PRDM16: variants seen among roughly 807,000 people sequenced by gnomAD.
PRDM16 encodes the protein histone-lysine N-methyltransferase PRDM16.
PRDM16 carries 23 observed loss-of-function variants against 110.6 expected under a neutral mutation model. The observed-to-expected ratio is 0.21, with a 90% CI of 0.15 to 0.29. The LOEUF is 0.29. PRDM16 is among the 10% of genes least tolerant of loss of function. The pLI is 1.00. For synonymous variants in PRDM16, 799 were observed against 781.8 expected (o/e 1.02, Z -0.37); for missense variants, 1,615 against 1,794.3 (o/e 0.90, Z 1.81).
At chr1:3,192,555 G>A (rs547332755) in intron 2 of PRDM16, among the ~76,000 whole-genome samples, 68 of 152,284 alleles carry the variant, frequency 4.5e-4, no homozygotes, top group Middle Eastern at 3.4e-3. Context: ...CCTTTCTACC[G>A]TTTTCATGGC....
intron 1 of PRDM16, among the ~76,000 whole-genome samples, chr1:3,136,371 G>A (rs1321081698): frequency 2.6e-5 from 4 of 152,218 alleles, no homozygotes; most frequent in African/African-American, 9.6e-5. Context: ...AGACGAGGCA[G>A]TGGAGGCCCA....
At position 3,233,879 on chromosome 1, in the gene PRDM16, T is replaced by C. The variant is rs1639476331; in HGVS notation, c.388-10208T>C. On this transcript the variant is annotated intron_variant, in intron 2 of 16. Coordinates refer to ENST00000270722, the MANE Select transcript of PRDM16 (RefSeq NM_022114.4). ...ATGCCAATCATACCGCAATGAAGTG[T>C]TGGGGTTTTTTTAAAAAAAAAAAAA... Among the ~76,000 whole-genome samples the C allele has an allele frequency of 2.0e-5, 3 of 147,200 alleles. No individual in the cohort carries two copies. The South Asian group carries it at 6.3e-4, about 31-fold the overall frequency.
chr1:3,136,790 C>G (rs988193047), intron 1 of PRDM16, among the ~76,000 whole-genome samples: 35 of 152,218 alleles, frequency 2.3e-4, no homozygotes, highest in African/African-American at 8.4e-4. Flanking sequence ...TTCCTTCAGA[C>G]AGCTGTAATC....
chr1:3,430,886 T>C lies in PRDM16; in HGVS notation c.3299T>C (p.Ile1100Thr). ...CATCATTTCAGGGCGGACATGCAGA[T>C]CGTGGACGGCAGTGCCCAGTGTCCA... ...TRTEKRADMQ[I>T]VDGSAQCPGL... Residue 1100 changes from isoleucine to threonine, a missense_variant, in exon 15 of 17, where the codon ATC becomes ACC. Coordinates refer to ENST00000270722, the MANE Select transcript of PRDM16 (RefSeq NM_022114.4). 6.2e-7 allele frequency: 1 copy of C among 1,614,000 alleles called. No individual in the cohort carries two copies. The highest frequency in any genetic ancestry group is 8.5e-7 in the Non-Finnish European group (1 of 1,179,996).
intron 1 of PRDM16, among the ~76,000 whole-genome samples, chr1:3,072,745 C>A (rs994462983): frequency 6.6e-6 from 1 of 152,182 alleles, no homozygotes; most frequent in African/African-American, 2.4e-5. Context: ...GGCAGCAGCG[C>A]CAGGACGTCC....
intron 4 of PRDM16, among the ~76,000 whole-genome samples, chr1:3,388,997 G>A (rs1473058472): frequency 4.6e-5 from 7 of 152,204 alleles, no homozygotes; most frequent in Non-Finnish European, 8.8e-5. Flanking sequence ...GCACCCACAG[G>A]CCCGGTTCTG....
At chr1:3,231,327 C>T (rs1639403826) in intron 2 of PRDM16, among the ~76,000 whole-genome samples, 1 of 114,660 alleles carries the variant, frequency 8.7e-6, no homozygotes, top group African/African-American at 4.9e-5. Context: ...GTGCACATGC[C>T]GAAAATAGGT....
chr1:3,187,975 G>A lies in PRDM16; in HGVS notation c.387+1501G>A, dbSNP rs534001667. On this transcript the variant is annotated intron_variant, in intron 2 of 16. Coordinates refer to ENST00000270722, the MANE Select transcript of PRDM16 (RefSeq NM_022114.4). ...GAGAGGCAGAGGACAGTGTGTGTGGGCCCAAGGTCGGGTCACCTTCGGGAG... is the reference window on the plus strand; with the variant it reads ...GAGAGGCAGAGGACAGTGTGTGTGGACCCAAGGTCGGGTCACCTTCGGGAG... Among the ~76,000 whole-genome samples, 47 of 152,338 alleles carry A rather than the reference G, an allele frequency of 3.1e-4. No homozygotes were observed. The Middle Eastern group carries it at 0.01, about 33-fold the overall frequency.
At position 3,353,535 on chromosome 1, in the gene PRDM16, C is replaced by A. The variant is rs1289436000; in HGVS notation, c.439-31617C>A. ...GCCCAAGGGTGGCTCCCTCGGGCCA[C>A]CCCGTTACACTCCAGCCAAGTACTG... On this transcript the variant is annotated intron_variant, in intron 3 of 16. Coordinates refer to ENST00000270722, the MANE Select transcript of PRDM16 (RefSeq NM_022114.4). This position sits in a 1 kb window ranked among gnomAD's most constrained non-coding sequence, Gnocchi z 5.4. 6.6e-6 allele frequency among the ~76,000 whole-genome samples: 1 copy of A among 152,208 alleles called. No individual in the cohort carries two copies. The highest frequency in any genetic ancestry group is 2.4e-5 in the African/African-American group (1 of 41,454).
At chr1:3,271,500 G>T (rs182494859) in intron 3 of PRDM16, among the ~76,000 whole-genome samples, 19 of 152,340 alleles carry the variant, frequency 1.2e-4, no homozygotes, top group Admixed American at 1.2e-3. Context: ...ACCCAAGGCC[G>T]TTGTCCTGCA....
At chr1:3,347,322 G>A (rs186808498) in intron 3 of PRDM16, among the ~76,000 whole-genome samples, 92 of 152,366 alleles carry the variant, frequency 6.0e-4, no homozygotes, top group Non-Finnish European at 1.1e-3. Context: ...GCCCAGGGAG[G>A]GCGAGACTCT....
intron 15 of PRDM16, 94 bp from the exon 16 acceptor site, chr1:3,431,872 C>T: frequency 2.4e-6 from 3 of 1,266,478 alleles, no homozygotes; most frequent in Non-Finnish European, 3.4e-6. Context: ...CAGCGGCGTG[C>T]ATGCAGGCCC....
intron 3 of PRDM16, among the ~76,000 whole-genome samples, chr1:3,304,522 C>T (rs531972325): frequency 6.6e-6 from 1 of 152,360 alleles, no homozygotes; most frequent in African/African-American, 2.4e-5. Flanking sequence ...AGCTGCCTGT[C>T]CACACGAGGA....
At position 3,246,948 on chromosome 1, in the gene PRDM16, C is replaced by T. The variant is rs1037506373; in HGVS notation, c.438+2811C>T. ...CCAGACGGAGACCCCACCCTGCAAA[C>T]AAATGCGCCACTTAGAGCTGTTGGT... On this transcript the variant is annotated intron_variant, in intron 3 of 16. Coordinates refer to ENST00000270722, the MANE Select transcript of PRDM16 (RefSeq NM_022114.4). This position sits in a 1 kb window ranked among gnomAD's most constrained non-coding sequence, Gnocchi z 5.2. Among the ~76,000 whole-genome samples the T allele has an allele frequency of 6.6e-6, 1 of 152,178 alleles. No individual in the cohort carries two copies. Among genetic ancestry groups the T allele is most frequent in the Admixed American group, 6.5e-5 (1 of 15,286 alleles).
chr1:3,284,375 G>A (rs1355839581), intron 3 of PRDM16, among the ~76,000 whole-genome samples: 1 of 152,242 alleles, frequency 6.6e-6, no homozygotes, highest in Non-Finnish European at 1.5e-5. Flanking sequence ...TCTGGAGGGG[G>A]AGGGAGGAAG....
chr1:3,316,274 AGGGGTG>A (rs1330124771), intron 3 of PRDM16, among the ~76,000 whole-genome samples: 3 of 1,230 alleles, frequency 2.4e-3, no homozygotes, highest in East Asian at 0.02. Context: ...CTGTGGGGGT[AGGGGTG>A]GGGGTGGGGG....
At chr1:3,082,854 G>T (rs769332772) in intron 1 of PRDM16, among the ~76,000 whole-genome samples, 1 of 152,198 alleles carries the variant, frequency 6.6e-6, no homozygotes, top group South Asian at 2.1e-4. Flanking sequence ...TGGGTGCTGC[G>T]TGGGAGCAAG....
intron 8 of PRDM16, among the ~76,000 whole-genome samples, chr1:3,410,399 G>A (rs924627940): frequency 6.6e-6 from 1 of 152,164 alleles, no homozygotes; most frequent in African/African-American, 2.4e-5. Context: ...CCAGTCTGAG[G>A]AGGTTCCCAG....
chr1:3,336,614 CTG>C lies in PRDM16; in HGVS notation c.439-48535_439-48534del, dbSNP rs570629740. On this transcript the variant is annotated intron_variant, in intron 3 of 16. Transcript: ENST00000270722. ...CATGCACATCTGTGTTGGTGTGAGT[CTG>C]TGAGTGCATGCATGCACATGTGTGT... Among the ~76,000 whole-genome samples, 161 of 141,706 alleles carry C rather than the reference CTG, an allele frequency of 1.1e-3. 3 individuals are homozygous for C. Among genetic ancestry groups the C allele is most frequent in the Admixed American group, 3.4e-3 (48 of 14,320 alleles). The allele number at this position is 141,706 out of a possible 152,430, so 93.0% of individuals were successfully genotyped here. A position where few individuals can be genotyped will look rare whatever the true frequency, so the allele number is the denominator to read the frequency against.
Sources: allele counts gnomAD v4.1 joint callset (sites outside exome capture counted in the v4.1 genomes callset), GRCh38; gene constraint gnomAD v4.1.1; non-coding constraint Gnocchi (gnomAD v3.1); transcripts MANE v1.5; gene names NCBI Gene and HGNC (gene_info 2026-07-23, HGNC 2026-07-21).